The following FGF12 variants were observed in gnomAD, a reference collection of about 807,000 sequenced individuals.
FGF12 encodes fibroblast growth factor 12B.
Under a neutral mutation model 23.6 loss-of-function variants are expected in FGF12, and 14 were observed. That is an observed-to-expected ratio of 0.59 (90% CI 0.39 to 0.93). The LOEUF is 0.93. Among genes scored for constraint, FGF12 ranks in the 40% least tolerant of loss-of-function variants. FGF12 has a pLI of 0.00. For missense variants in FGF12, 175 were observed against 217.8 expected, an observed-to-expected ratio of 0.80 and a Z score of 1.24; for synonymous variants, 62 against 77.3, an observed-to-expected ratio of 0.80 and a Z score of 1.04.
intron 2 of FGF12, among the ~76,000 whole-genome samples, chr3:192,641,988 T>C (rs948073050): frequency 6.6e-6 from 1 of 152,230 alleles, no homozygotes; most frequent in Non-Finnish European, 1.5e-5. Context: ...GTTTAATATG[T>C]TGATGTGTGT....
chr3:192,342,021 T>G (rs536219125), intron 3 of FGF12, among the ~76,000 whole-genome samples: 1 of 148,978 alleles, frequency 6.7e-6, no homozygotes, highest in East Asian at 2.0e-4. Context: ...AAAAAAAGAG[T>G]GACGAACATA....
chr3:192,264,076 T>C (rs1036865695), intron 4 of FGF12, among the ~76,000 whole-genome samples: 1 of 152,104 alleles, frequency 6.6e-6, no homozygotes, highest in Admixed American at 6.6e-5. Context: ...CTAGGAAAAA[T>C]CAAATGAATC....
At chr3:192,187,740 T>A (rs569661092) in intron 4 of FGF12, among the ~76,000 whole-genome samples, 12 of 133,084 alleles carry the variant, frequency 9.0e-5, no homozygotes, top group African/African-American at 2.5e-4. Context: ...TGAAGAGAGA[T>A]AAACGAAAGG....
intron 2 of FGF12, among the ~76,000 whole-genome samples, chr3:192,444,374 C>T (rs1722289090): frequency 6.6e-6 from 1 of 152,162 alleles, no homozygotes; most frequent in East Asian, 1.9e-4. Flanking sequence ...TAGAAGGATT[C>T]CATGCTTTTG....
chr3:192,610,092 A>G (rs192119757), intron 2 of FGF12, among the ~76,000 whole-genome samples: 20 of 152,152 alleles, frequency 1.3e-4, no homozygotes, highest in Non-Finnish European at 1.6e-4. Context: ...CCACTATCAT[A>G]TATAACTTTT....
chr3:192,471,859 T>C (rs1032660999), intron 2 of FGF12, among the ~76,000 whole-genome samples: 4 of 152,202 alleles, frequency 2.6e-5, no homozygotes, highest in South Asian at 2.1e-4. Flanking sequence ...GATTTTAAAA[T>C]GTGAGAATTT....
At chr3:192,407,812 C>T (rs2108775709) in intron 2 of FGF12, among the ~76,000 whole-genome samples, 1 of 152,328 alleles carries the variant, frequency 6.6e-6, no homozygotes, top group Middle Eastern at 3.4e-3. Flanking sequence ...CCTGGTCAAA[C>T]CCCGGACTGA....
chr3:192,404,969 C>T (rs1208717094), intron 2 of FGF12, among the ~76,000 whole-genome samples: 1 of 152,154 alleles, frequency 6.6e-6, no homozygotes, highest in Non-Finnish European at 1.5e-5. Context: ...TGACAGAAGA[C>T]ATCCAGTTAT....
chr3:192,155,142 A>G (rs892545433), intron 5 of FGF12, among the ~76,000 whole-genome samples: 4 of 151,914 alleles, frequency 2.6e-5, no homozygotes, highest in African/African-American at 4.8e-5. Flanking sequence ...TGCGCTTCCC[A>G]GGTGAGGCAA....
At chr3:192,445,400 T>C (rs1255286606) in intron 2 of FGF12, among the ~76,000 whole-genome samples, 1 of 152,176 alleles carries the variant, frequency 6.6e-6, no homozygotes, top group African/African-American at 2.4e-5. Context: ...AATTAAGCAA[T>C]TTAGGAATAG....
chr3:192,366,902 T>C (rs1719010697), intron 2 of FGF12, among the ~76,000 whole-genome samples: 1 of 151,886 alleles, frequency 6.6e-6, no homozygotes, highest in South Asian at 2.1e-4. Flanking sequence ...CTAGGGCCAA[T>C]GGGTGAAAGT....
At chr3:192,607,069 A>G (rs1451963813) in intron 2 of FGF12, among the ~76,000 whole-genome samples, 1 of 152,064 alleles carries the variant, frequency 6.6e-6, no homozygotes, top group Non-Finnish European at 1.5e-5. Flanking sequence ...CAATTTTACC[A>G]TTTATGCTCT....
In FGF12 at chr3:192,658,547, AG is replaced by A. The variant is rs553283408; in HGVS notation, c.13+68633del. Among the ~76,000 whole-genome samples, 18 of 152,332 alleles carry A rather than the reference AG, an allele frequency of 1.2e-4. No individual in the cohort carries two copies. The South Asian group carries it at 3.7e-3, about 32-fold the overall frequency. On this transcript the variant is annotated intron_variant, in intron 2 of 5. Coordinates refer to ENST00000445105, the MANE Select transcript of FGF12 (RefSeq NM_004113.6). ...CGTGCTAACCAGTAAACAAAGTTTTAGGGTGCATTAGCTTTACCCTAGAAAG... is the reference window on the plus strand; with the variant it reads ...CGTGCTAACCAGTAAACAAAGTTTTAGGTGCATTAGCTTTACCCTAGAAAG...
chr3:192,169,020 G>A (rs1447862622), intron 5 of FGF12, among the ~76,000 whole-genome samples: 1 of 152,072 alleles, frequency 6.6e-6, no homozygotes, highest in African/African-American at 2.4e-5. Context: ...TAAAGGAGCA[G>A]GGGTGATGAA....
At chr3:192,359,946 C>CATATATAT (rs35037623) in intron 3 of FGF12, among the ~76,000 whole-genome samples, 76 of 149,116 alleles carry the variant, frequency 5.1e-4, no homozygotes, top group African/African-American at 1.8e-3. Flanking sequence ...CATAAAATAA[C>CATATATAT]ATATATATAT....
At chr3:192,453,099 T>C (rs1040088315) in intron 2 of FGF12, among the ~76,000 whole-genome samples, 2 of 152,172 alleles carry the variant, frequency 1.3e-5, no homozygotes, top group Non-Finnish European at 2.9e-5. Flanking sequence ...ATCAGTTAAC[T>C]TTTCTTTCAT....
At chr3:192,315,833 G>A (rs543494604) in intron 4 of FGF12, among the ~76,000 whole-genome samples, 57 of 151,838 alleles carry the variant, frequency 3.8e-4, no homozygotes, top group Non-Finnish European at 7.2e-4. Context: ...TGATGCTTTG[G>A]CAGGAACAAC....
intron 4 of FGF12, among the ~76,000 whole-genome samples, chr3:192,312,407 A>AT (rs201802624): frequency 0.017 from 2,203 of 132,376 alleles, 55 homozygotes; most frequent in African/African-American, 0.063. Context: ...TTAGCCTTTA[A>AT]TTTTTTTTTT....
chr3:192,178,712 G>T (rs1715999705), intron 4 of FGF12, among the ~76,000 whole-genome samples: 1 of 152,176 alleles, frequency 6.6e-6, no homozygotes, highest in Non-Finnish European at 1.5e-5. Context: ...TGGCCAGACG[G>T]GTCTCTAACT....
Sources: gnomAD v4.1 joint callset for allele counts (sites outside exome capture counted in the v4.1 genomes callset) on GRCh38, gnomAD v4.1.1 for gene constraint, MANE v1.5 for transcripts, NCBI Gene and HGNC (gene_info 2026-07-23, HGNC 2026-07-21) for gene names.